SFMBT2: variants seen among roughly 807,000 people sequenced by gnomAD.
SFMBT2 encodes the protein Scm like with four mbt domains 2.
In SFMBT2, 38 loss-of-function variants were observed where a neutral mutation model predicts 110.1. The ratio of observed to expected loss-of-function variants is 0.35; its 90% CI spans 0.27 to 0.45. The LOEUF is 0.45. Among genes scored for constraint, SFMBT2 ranks in the 20% least tolerant of loss-of-function variants. The pLI, the probability that SFMBT2 is intolerant of heterozygous loss-of-function variation, is 1.00. For synonymous variants in SFMBT2, 425 were observed against 425.4 expected (o/e 1.00, Z 0.01); for missense variants, 1,011 against 1,094.9 (o/e 0.92, Z 1.08).
At chr10:7,291,222 T>C (rs763868557) in intron 4 of SFMBT2, among the ~76,000 whole-genome samples, 1 of 152,134 alleles carries the variant, frequency 6.6e-6, no homozygotes, top group African/African-American at 2.4e-5. Context: ...GTAATTACAA[T>C]GAAGAGAAAG....
chr10:7,358,267 T>A (rs1170660689), intron 4 of SFMBT2, among the ~76,000 whole-genome samples: 2 of 150,586 alleles, frequency 1.3e-5, no homozygotes, highest in African/African-American at 4.9e-5. Flanking sequence ...TGCATGGCCC[T>A]GTGACATCAA....
chr10:7,172,128 C>T lies in SFMBT2; in HGVS notation c.2182G>A (p.Asp728Asn). 1 of 1,575,458 alleles carries T rather than the reference C, an allele frequency of 6.3e-7. No individual in the cohort carries two copies. Among genetic ancestry groups the T allele is most frequent in the Non-Finnish European group, 8.6e-7 (1 of 1,159,596 alleles). Residue 728 changes from aspartate to asparagine, a missense_variant, in exon 19 of 21, where the codon GAC (aspartate) becomes AAC (asparagine). Physicochemically the swap from Asp to Asn is conservative, Grantham distance 23. This residue lies in a region of SFMBT2 where 979 missense variants were observed against 1,016.1 expected (regional missense o/e 0.96). Coordinates refer to ENST00000397167, the MANE Select transcript of SFMBT2 (RefSeq NM_001387889.1). The surrounding 1 kb of genome is among the most constrained non-coding windows in gnomAD (Gnocchi z 4.6). ...GTCTCCTCACTGGCGGTGTCATCGT[C>T]CATGGCGTCAGCGTCCTCCTCTTCA... ...ESEEEDADAM[D>N]DDTASEETGS...
In SFMBT2 at chr10:7,246,185, A is replaced by C; in HGVS notation, c.972+2363T>G. The C allele has an allele frequency of 5.1e-6, 5 of 984,822 alleles. No homozygotes were observed. The South Asian group carries it at 1.9e-4, about 37-fold the overall frequency. The allele number at this position is 984,822 out of a possible 1,614,324, so 61.0% of individuals were successfully genotyped here. ...GCATGACTTATTTTATCTTTGCTACAAAGGGTAAGAAAAAGCAAAATAAAA... is the reference window on the plus strand; with the variant it reads ...GCATGACTTATTTTATCTTTGCTACCAAGGGTAAGAAAAAGCAAAATAAAA... On this transcript the variant is annotated intron_variant, in intron 8 of 20. Transcript: ENST00000397167.
rs762872004 is a variant in SFMBT2, at chr10:7,371,920, A to ATTTTTTTT, written c.101-1553_101-1546dup. Among the ~76,000 whole-genome samples the ATTTTTTTT allele has an allele frequency of 1.1e-3, 82 of 77,704 alleles. 1 individual carries two copies. The highest frequency in any genetic ancestry group is 1.2e-3 in the Non-Finnish European group (53 of 44,034). The allele number at this position is 77,704 out of a possible 152,430, so 51.0% of individuals were successfully genotyped here. A position where few individuals can be genotyped will look rare whatever the true frequency, so the allele number is the denominator to read the frequency against. ...TATCACTACTTTTTGTCCACCTGTAATTTTTTTTTTTTTTTTTTTTTTTTG... is the reference window on the plus strand; with the variant it reads ...TATCACTACTTTTTGTCCACCTGTAATTTTTTTTTTTTTTTTTTTTTTTTTTTTTTTTG... On this transcript the variant is annotated intron_variant, in intron 2 of 20. Transcript: ENST00000397167.
At position 7,158,710 on chromosome 10, in the gene SFMBT2, A is replaced by G. The variant is rs538358193; in HGVS notation, c.*5060T>C. ...TTTTTCATTTAGAATAAAAATTAAA[A>G]TATAACTCTGATATAGATTTTCATT... On this transcript the variant is annotated 3_prime_UTR_variant, in exon 21 of 21. Coordinates refer to ENST00000397167, the MANE Select transcript of SFMBT2 (RefSeq NM_001387889.1). The G allele has an allele frequency of 1.3e-5, 2 of 152,338 alleles. No homozygotes were observed. The highest frequency in any genetic ancestry group is 2.4e-5 in the African/African-American group (1 of 41,568). 9.4% of individuals were successfully genotyped at this position (152,338 alleles called of 1,614,324 possible). A position where few individuals can be genotyped will look rare whatever the true frequency, so the allele number is the denominator to read the frequency against.
chr10:7,356,500 CCG>C (rs1302677174), intron 4 of SFMBT2, among the ~76,000 whole-genome samples: 2 of 152,214 alleles, frequency 1.3e-5, no homozygotes, highest in Non-Finnish European at 2.9e-5. Flanking sequence ...ACTGCAACCT[CCG>C]CCTCCCGGGT....
In SFMBT2 at chr10:7,284,111, C is replaced by A; in HGVS notation, c.565G>T (p.Gly189Cys). 6.2e-7 allele frequency: 1 copy of A among 1,614,164 alleles called. No homozygotes were observed. ...GKGPIDLITV[G>C]SLIELQDSQN... Reference sequence around the variant, plus strand: ...GAATCCTGAAGTTCTATTAAGGAACCAACTGTAATGAGGTCTATAGGGCCT... The same window carrying A: ...GAATCCTGAAGTTCTATTAAGGAACAAACTGTAATGAGGTCTATAGGGCCT... Residue 189 changes from glycine to cysteine, a missense_variant, in exon 6 of 21, where the codon GGT (glycine) becomes TGT (cysteine). By Grantham distance (159) the Gly-to-Cys change is radical (BLOSUM62 -3). Around this residue, in one of 2 missense-constraint regions of SFMBT2, gnomAD observed 979 missense variants for 1,016.1 expected, o/e 0.96. Coordinates refer to ENST00000397167, the MANE Select transcript of SFMBT2 (RefSeq NM_001387889.1).
intron 10 of SFMBT2, among the ~76,000 whole-genome samples, chr10:7,226,900 G>GT (rs1480974102): frequency 3.3e-5 from 5 of 152,214 alleles, no homozygotes; most frequent in Non-Finnish European, 5.9e-5. Flanking sequence ...ATCTAGGCCT[G>GT]TGTAGGTACA....
At position 7,192,415 on chromosome 10, in the gene SFMBT2, TACC is replaced by T. The variant is rs573265751; in HGVS notation, c.1699-3685_1699-3683del. ...CTTCGAAGAATGAAAGCTCTTCTCCTACCACCAAGTCTATGAACACTGAAGGCT... is the reference window on the plus strand; with the variant it reads ...CTTCGAAGAATGAAAGCTCTTCTCCTACCAAGTCTATGAACACTGAAGGCT... On this transcript the variant is annotated intron_variant, in intron 15 of 20. Transcript: ENST00000397167. 1.1e-3 allele frequency among the ~76,000 whole-genome samples: 166 copies of T among 152,340 alleles called. 1 individual carries two copies. The highest frequency in any genetic ancestry group is 3.7e-3 in the African/African-American group (152 of 41,580).
intron 7 of SFMBT2, among the ~76,000 whole-genome samples, chr10:7,269,238 T>A (rs1413821132): frequency 6.6e-6 from 1 of 152,206 alleles, no homozygotes; most frequent in African/African-American, 2.4e-5. Flanking sequence ...CACAGTGATC[T>A]CTTAAATCAA....
chr10:7,252,073 T>G (rs1840829363), intron 7 of SFMBT2, among the ~76,000 whole-genome samples: 1 of 152,242 alleles, frequency 6.6e-6, no homozygotes, highest in Non-Finnish European at 1.5e-5. Context: ...AAGCAGGGTT[T>G]ACCCATAACC....
At chr10:7,281,553 C>T (rs1841949545) in intron 6 of SFMBT2, among the ~76,000 whole-genome samples, 1 of 152,172 alleles carries the variant, frequency 6.6e-6, no homozygotes, top group African/African-American at 2.4e-5. Context: ...ACGTAAGTCA[C>T]ACAAGTCACC....
rs1279920667 is a variant in SFMBT2 at position 7,243,592 on chromosome 10, G to C, written c.1086C>G (p.Cys362Trp). Reference protein sequence around the residue: ...DSLGILPVQWCLKNGVSLTPP... With the variant: ...DSLGILPVQWWLKNGVSLTPP... ...GAGTGAGGCTGACTCCATTTTTAAG[G>C]CACCACTGTACTGGCAAAATCCCCA... Residue 362 changes from cysteine to tryptophan, a missense_variant, in exon 9 of 21, where the codon TGC becomes TGG. Coordinates refer to ENST00000397167, the MANE Select transcript of SFMBT2 (RefSeq NM_001387889.1). The C allele has an allele frequency of 1.1e-6, 1 of 872,778 alleles. No individual in the cohort carries two copies. Among genetic ancestry groups the C allele is most frequent in the South Asian group, 1.3e-5 (1 of 76,524 alleles). The allele number at this position is 872,778 out of a possible 1,614,324, so 54.1% of individuals were successfully genotyped here.
intron 4 of SFMBT2, among the ~76,000 whole-genome samples, chr10:7,299,967 G>T (rs547485669): frequency 3.5e-4 from 53 of 152,138 alleles, no homozygotes; most frequent in Non-Finnish European, 6.3e-4. Flanking sequence ...CCATAAAAAG[G>T]AATGAATACT....
intron 16 of SFMBT2, among the ~76,000 whole-genome samples, chr10:7,185,450 C>CA (rs1280006739): frequency 6.6e-6 from 1 of 152,080 alleles, no homozygotes; most frequent in African/African-American, 2.4e-5. Context: ...CGTAAAAGGA[C>CA]AAAAATTAAA....
At chr10:7,214,534 G>A in intron 11 of SFMBT2, 6 of 980,504 alleles carry the variant, frequency 6.1e-6, no homozygotes, top group Non-Finnish European at 7.3e-6. Flanking sequence ...ACTGCTTCTT[G>A]TGTTTAAATA....
At chr10:7,394,266 C>T (rs1845859688) in intron 1 of SFMBT2, among the ~76,000 whole-genome samples, 1 of 152,110 alleles carries the variant, frequency 6.6e-6, no homozygotes, top group Admixed American at 6.6e-5. Flanking sequence ...ATCAGAGTTA[C>T]ATCTGCATAT....
At position 7,163,533 on chromosome 10, in the gene SFMBT2, T is replaced by TC; in HGVS notation, c.*236_*237insG. The TC allele has an allele frequency of 2.2e-6, 1 of 446,774 alleles. No homozygotes were observed. The allele number at this position is 446,774 out of a possible 1,614,324, so 27.7% of individuals were successfully genotyped here. A position where few individuals can be genotyped will look rare whatever the true frequency, so the allele number is the denominator to read the frequency against. ...GTGAGCCAAGAAGCAGGCCCACGTC[T>TC]GGCAGGGTCTGATGCATGACTTTAA... On this transcript the variant is annotated 3_prime_UTR_variant, in exon 21 of 21. Coordinates refer to ENST00000397167, the MANE Select transcript of SFMBT2 (RefSeq NM_001387889.1). The surrounding 1 kb of genome is among the most constrained non-coding windows in gnomAD (Gnocchi z 4.8).
At chr10:7,229,208 T>C (rs2131678587) in intron 9 of SFMBT2, among the ~76,000 whole-genome samples, 1 of 152,334 alleles carries the variant, frequency 6.6e-6, no homozygotes, top group East Asian at 1.9e-4. Flanking sequence ...ACAGATTCTA[T>C]GAGTGCAAAC....
Sources: gnomAD v4.1 joint callset for allele counts (sites outside exome capture counted in the v4.1 genomes callset) on GRCh38, gnomAD v4.1.1 for gene constraint, gnomAD v4.1.1 regional missense constraint, Gnocchi (gnomAD v3.1) non-coding constraint, MANE v1.5 for transcripts, NCBI Gene and HGNC (gene_info 2026-07-23, HGNC 2026-07-21) for gene names.